AHCY: variants seen among roughly 807,000 people sequenced by gnomAD.
The protein encoded by AHCY is S-adenosyl-L-homocysteine hydrolase.
AHCY carries 24 observed loss-of-function variants against 45.4 expected under a neutral mutation model. The observed-to-expected ratio is 0.53, with a 90% CI of 0.38 to 0.74. The LOEUF is 0.74. AHCY is among the 30% of genes least tolerant of loss of function. The probability of loss-of-function intolerance (pLI) is 0.00; values close to 1 mark genes in which losing one functional copy is unlikely to be tolerated. For missense variants in AHCY, 449 were observed against 594.1 expected, an observed-to-expected ratio of 0.76 and a Z score of 2.54; for synonymous variants, 245 against 235.1, an observed-to-expected ratio of 1.04 and a Z score of -0.39.
At chr20:34,279,971 G>A (rs1312161198), downstream of AHCY, among the ~76,000 whole-genome samples, 1 of 152,064 alleles carries the variant, frequency 6.6e-6, no homozygotes, top group Non-Finnish European at 1.5e-5. Context: ...AGCTGGGTGT[G>A]ATCTCAACTA....
At chr20:34,242,602 C>T in the AHCY span, among the ~76,000 whole-genome samples, 2 of 152,204 alleles carry the variant, frequency 1.3e-5, no homozygotes, top group African/African-American at 2.4e-5. Context: ...AAACAAACAA[C>T]AAAACAAAAC....
chr20:34,253,973 C>T, the AHCY span, among the ~76,000 whole-genome samples: 5 of 152,196 alleles, frequency 3.3e-5, no homozygotes, highest in Non-Finnish European at 7.3e-5. Context: ...TAACAGTCTT[C>T]ATCATTGCAG....
chr20:34,253,999 G>C, the AHCY span, among the ~76,000 whole-genome samples: 3 of 152,116 alleles, frequency 2.0e-5, no homozygotes, highest in African/African-American at 7.2e-5. Context: ...AAAGACAGTT[G>C]AGAAACCCAG....
intron 8 of AHCY, among the ~76,000 whole-genome samples, chr20:34,287,098 C>G (rs2036213079): frequency 6.6e-6 from 1 of 152,128 alleles, no homozygotes; most frequent in South Asian, 2.1e-4. Context: ...AAACATTTCC[C>G]CAAAAGCCCA....
At chr20:34,247,595 C>T in the AHCY span, among the ~76,000 whole-genome samples, 1 of 151,902 alleles carries the variant, frequency 6.6e-6, no homozygotes, top group African/African-American at 2.4e-5. Flanking sequence ...CTGTACCCTG[C>T]TGATGCTTTT....
chr20:34,304,525 A>AT (rs564670743), upstream of AHCY, among the ~76,000 whole-genome samples: 1,266 of 141,932 alleles, frequency 8.9e-3, 3 homozygotes, highest in Middle Eastern at 0.029. Context: ...TTTCCCCTGA[A>AT]TTTTTTTTTT....
chr20:34,232,388 C>T, the AHCY span, among the ~76,000 whole-genome samples: 1 of 152,182 alleles, frequency 6.6e-6, no homozygotes, highest in Non-Finnish European at 1.5e-5. Flanking sequence ...GAGAGATTTT[C>T]ACTTGAGCAT....
downstream of AHCY, among the ~76,000 whole-genome samples, chr20:34,275,995 T>C (rs1472919465): frequency 2.0e-5 from 3 of 152,118 alleles, no homozygotes; most frequent in Non-Finnish European, 2.9e-5. Context: ...CCGGTCTGTG[T>C]TGGCTTCATC....
intron 2 of AHCY, among the ~76,000 whole-genome samples, chr20:34,294,576 G>A (rs748965544): frequency 6.6e-6 from 1 of 152,070 alleles, no homozygotes; most frequent in African/African-American, 2.4e-5. Flanking sequence ...AGGGAGGGGA[G>A]GAGATGACTC....
chr20:34,249,289 A>G, the AHCY span, among the ~76,000 whole-genome samples: 38 of 152,118 alleles, frequency 2.5e-4, no homozygotes, highest in Admixed American at 4.6e-4. Flanking sequence ...TGACTCCCCA[A>G]ACGCATTCCC....
chr20:34,269,694 C>G, the AHCY span, among the ~76,000 whole-genome samples: 1 of 151,610 alleles, frequency 6.6e-6, no homozygotes, highest in Admixed American at 6.6e-5. Context: ...CCTGTAATCC[C>G]AGCACTTTGG....
chr20:34,258,769 AAT>A, the AHCY span, among the ~76,000 whole-genome samples: 116 of 96,326 alleles, frequency 1.2e-3, 1 homozygote, highest in Non-Finnish European at 1.7e-3. Flanking sequence ...TGATATATAT[AAT>A]ATATATAGTA....
chr20:34,306,370 C>CTTTT (rs11478081), upstream of AHCY, among the ~76,000 whole-genome samples: 1 of 137,812 alleles, frequency 7.3e-6, no homozygotes, highest in African/African-American at 2.6e-5. Flanking sequence ...ATTTCAGCTT[C>CTTTT]TTTTTTTTTT....
intron 3 of AHCY, among the ~76,000 whole-genome samples, chr20:34,292,744 A>G (rs2122770276): frequency 6.6e-6 from 1 of 152,338 alleles, no homozygotes; most frequent in Non-Finnish European, 1.5e-5. Context: ...CACCTCTCTG[A>G]GCCTCAGTCT....
chr20:34,292,165 G>A (rs1376795478), intron 4 of AHCY, among the ~76,000 whole-genome samples, 193 bp downstream of exon 4: 2 of 152,234 alleles, frequency 1.3e-5, no homozygotes, highest in African/African-American at 4.8e-5. Context: ...TGGGCCATCA[G>A]CTCAGCTGCC....
the AHCY span, chr20:34,246,415 G>A: frequency 1.5e-6 from 2 of 1,362,156 alleles, no homozygotes; most frequent in African/African-American, 2.9e-5. Context: ...TATATTCACA[G>A]TACTCTGTTG....
At position 34,285,508 on chromosome 20, in the gene AHCY, T is replaced by C; in HGVS notation, c.1099A>G (p.Met367Val). 9.9e-6 allele frequency: 16 copies of C among 1,614,116 alleles called. No homozygotes were observed. The highest frequency in any genetic ancestry group is 1.4e-5 in the Non-Finnish European group (16 of 1,179,986). ...TGGGTCCACAGCTCGATCTGCGCCATCACCTGGTTGGTGAAGGAGTTACTC... is the reference window on the plus strand; with the variant it reads ...TGGGTCCACAGCTCGATCTGCGCCACCACCTGGTTGGTGAAGGAGTTACTC... ...VMSNSFTNQVMAQIELWTHPD... is the reference protein window; with the variant it reads ...VMSNSFTNQVVAQIELWTHPD... Residue 367 changes from methionine (M) to valine (V), a missense_variant, in exon 9 of 10, where the codon ATG becomes GTG. Coordinates refer to ENST00000217426, the MANE Select transcript of AHCY (RefSeq NM_000687.4).
intron 9 of AHCY, chr20:34,281,868 A>G (rs1420023709): frequency 6.4e-6 from 1 of 156,562 alleles, no homozygotes; most frequent in Non-Finnish European, 1.4e-5. Context: ...GGGTTTCACC[A>G]TGTTGGTAAG....
chr20:34,295,473 G>A lies in AHCY; in HGVS notation c.141C>T (p.Gly47=), dbSNP rs780126068. ...TGTGCAGGCAGCCAGCGATGCGGGC[G>A]CCCTTCAGTGGCTTGGAGGCCGAGT... ...ERYSASKPLK[G]ARIAGCLHMT... The change falls in exon 2 of 10, where the codon GGC becomes GGT. Residue 47 remains glycine, a synonymous_variant. Coordinates refer to ENST00000217426, the MANE Select transcript of AHCY (RefSeq NM_000687.4). 32 of 1,614,012 alleles carry A rather than the reference G, an allele frequency of 2.0e-5. No individual in the cohort carries two copies. The highest frequency in any genetic ancestry group is 2.6e-5 in the Non-Finnish European group (31 of 1,180,044).
Sources: allele counts gnomAD v4.1 joint callset (sites outside exome capture counted in the v4.1 genomes callset), GRCh38; gene constraint gnomAD v4.1.1; transcripts MANE v1.5; gene names NCBI Gene and HGNC (gene_info 2026-07-23, HGNC 2026-07-21).